PHACTR1: variants seen among roughly 807,000 people sequenced by gnomAD.
The protein encoded by PHACTR1 is phosphatase and actin regulator 1, also known as RPEL repeat containing 1.
PHACTR1 carries 16 observed loss-of-function variants against 69.2 expected under a neutral mutation model. The ratio of observed to expected loss-of-function variants is 0.23; its 90% CI spans 0.16 to 0.35. The LOEUF is 0.35. Among genes scored for constraint, PHACTR1 ranks in the 10% least tolerant of loss-of-function variants. The pLI is 1.00. For synonymous variants in PHACTR1, 312 were observed against 284.5 expected (o/e 1.10, Z -0.97); for missense variants, 510 against 734.7 (o/e 0.69, Z 3.54).
chr6:12,766,723 A>G (rs1561862871), intron 4 of PHACTR1, among the ~76,000 whole-genome samples: 1 of 152,224 alleles, frequency 6.6e-6, no homozygotes, highest in Non-Finnish European at 1.5e-5. Flanking sequence ...GCACTATCTA[A>G]GTACACATAC....
chr6:12,868,247 C>T (rs1303653686), intron 4 of PHACTR1, among the ~76,000 whole-genome samples: 1 of 129,930 alleles, frequency 7.7e-6, no homozygotes, highest in African/African-American at 2.9e-5. Flanking sequence ...CAGGGCGAGA[C>T]TCTATCTCAA....
At chr6:13,197,052 A>G (rs563077308) in intron 7 of PHACTR1, among the ~76,000 whole-genome samples, 58 of 152,344 alleles carry the variant, frequency 3.8e-4, no homozygotes, top group African/African-American at 1.2e-3. Flanking sequence ...CACTGCAGCT[A>G]TATAAGGTAC....
At chr6:12,756,219 C>G (rs781039469) in intron 4 of PHACTR1, among the ~76,000 whole-genome samples, 15 of 151,414 alleles carry the variant, frequency 9.9e-5, no homozygotes, top group Non-Finnish European at 1.8e-4. Flanking sequence ...CTTTTTTTCT[C>G]CTTGAGTTTA....
intron 4 of PHACTR1, among the ~76,000 whole-genome samples, chr6:12,856,315 G>A (rs563338641): frequency 6.8e-6 from 1 of 146,662 alleles, no homozygotes; most frequent in South Asian, 2.1e-4. Context: ...GTGCAGTGGC[G>A]CGATCTCGGC....
intron 4 of PHACTR1, among the ~76,000 whole-genome samples, chr6:12,971,285 C>T (rs1562073851): frequency 6.6e-6 from 1 of 152,198 alleles, no homozygotes. Flanking sequence ...CCTCTTTGCA[C>T]CATCTTTCTT....
intron 4 of PHACTR1, among the ~76,000 whole-genome samples, chr6:13,018,939 C>A (rs1430139267): frequency 6.6e-6 from 1 of 151,920 alleles, no homozygotes; most frequent in African/African-American, 2.4e-5. Context: ...AGTGCAGAGG[C>A]AAAATCATGG....
chr6:12,948,200 C>G (rs1220307138), intron 4 of PHACTR1, among the ~76,000 whole-genome samples: 1 of 152,200 alleles, frequency 6.6e-6, no homozygotes, highest in East Asian at 1.9e-4. Context: ...GTTGAAAACA[C>G]CTAGTGTCAA....
chr6:12,856,534 G>C (rs868091868), intron 4 of PHACTR1, among the ~76,000 whole-genome samples: 11 of 152,244 alleles, frequency 7.2e-5, no homozygotes, highest in Middle Eastern at 3.4e-3. Flanking sequence ...GGGATTACAG[G>C]CGTGAGCCAC....
chr6:12,893,361 T>C (rs1045051537), intron 4 of PHACTR1, among the ~76,000 whole-genome samples: 3 of 152,100 alleles, frequency 2.0e-5, no homozygotes, highest in African/African-American at 7.2e-5. Context: ...AGAGCAAGAT[T>C]TTTATATTTA....
chr6:12,726,193 A>C (rs767926949), intron 3 of PHACTR1, among the ~76,000 whole-genome samples: 1 of 152,182 alleles, frequency 6.6e-6, no homozygotes, highest in African/African-American at 2.4e-5. Context: ...GAAAAAAATC[A>C]ATCTTTTAAA....
At chr6:12,873,091 C>T (rs1318418437) in intron 4 of PHACTR1, among the ~76,000 whole-genome samples, 2 of 151,870 alleles carry the variant, frequency 1.3e-5, no homozygotes, top group African/African-American at 4.8e-5. Context: ...TGTCTCACTG[C>T]AGCGTCAACT....
intron 5 of PHACTR1, among the ~76,000 whole-genome samples, chr6:13,124,744 G>A (rs1363122615): frequency 6.6e-6 from 1 of 152,216 alleles, no homozygotes; most frequent in Admixed American, 6.5e-5. Context: ...TCTGGTAAGG[G>A]CTCTCTCTTT....
chr6:12,922,837 AT>A (rs1787867450), intron 4 of PHACTR1, among the ~76,000 whole-genome samples: 2 of 152,206 alleles, frequency 1.3e-5, no homozygotes, highest in Admixed American at 6.5e-5. Flanking sequence ...ACCATTGTCT[AT>A]TAAGATTGGC....
chr6:13,187,045 C>T (rs773384493), intron 7 of PHACTR1, among the ~76,000 whole-genome samples: 12 of 152,114 alleles, frequency 7.9e-5, no homozygotes, highest in Non-Finnish European at 1.8e-4. Flanking sequence ...ATAGGGTTCG[C>T]GCTCATCTAA....
In PHACTR1 at chr6:12,874,804, G is replaced by T. The variant is rs546708353; in HGVS notation, c.250+125014G>T. ...CCCCTCCCCAAATCCTTATCACATT[G>T]ATGGAAAATAAGAAAACGCACCTGA... On this transcript the variant is annotated intron_variant, in intron 4 of 14. Coordinates refer to ENST00000332995, the MANE Select transcript of PHACTR1 (RefSeq NM_030948.6). Among the ~76,000 whole-genome samples the T allele has an allele frequency of 5.3e-5, 8 of 152,254 alleles. No homozygotes were observed. The South Asian group carries it at 1.7e-3, about 32-fold the overall frequency.
intron 5 of PHACTR1, among the ~76,000 whole-genome samples, chr6:13,120,041 C>T (rs1274347787): frequency 6.6e-6 from 1 of 152,152 alleles, no homozygotes; most frequent in African/African-American, 2.4e-5. Context: ...CCCATGGACA[C>T]ATGGTCCGTT....
At chr6:12,935,183 G>A (rs766815502) in intron 4 of PHACTR1, among the ~76,000 whole-genome samples, 49 of 152,080 alleles carry the variant, frequency 3.2e-4, no homozygotes, top group Non-Finnish European at 6.6e-4. Flanking sequence ...ACACCTCCAC[G>A]GTGTGAAGAA....
intron 4 of PHACTR1, among the ~76,000 whole-genome samples, chr6:13,001,550 A>T (rs1056760541): frequency 9.2e-5 from 14 of 152,164 alleles, no homozygotes; most frequent in African/African-American, 3.4e-4. Context: ...GACCTGCAAC[A>T]GCCCAGAAGT....
chr6:13,163,270 GTACA>G (rs986509050), intron 6 of PHACTR1, among the ~76,000 whole-genome samples: 1 of 152,122 alleles, frequency 6.6e-6, no homozygotes, highest in Non-Finnish European at 1.5e-5. Flanking sequence ...AAGTAAATCT[GTACA>G]TACATACATA....
Sources: gnomAD v4.1 joint callset for allele counts (sites outside exome capture counted in the v4.1 genomes callset) on GRCh38, gnomAD v4.1.1 for gene constraint, MANE v1.5 for transcripts, NCBI Gene and HGNC (gene_info 2026-07-23, HGNC 2026-07-21) for gene names.